NRBP2: variants seen among roughly 807,000 people sequenced by gnomAD.
NRBP2 encodes nuclear receptor-binding protein 2.
A neutral mutation model predicts 74.4 loss-of-function variants in NRBP2; 47 were observed. The ratio of observed to expected loss-of-function variants is 0.63; its 90% CI spans 0.50 to 0.81. The LOEUF is 0.81. NRBP2 is among the 30% of genes least tolerant of loss of function. The probability of loss-of-function intolerance (pLI) is 0.00; values close to 1 mark genes in which losing one functional copy is unlikely to be tolerated. For synonymous variants in NRBP2, 312 were observed against 273.8 expected (o/e 1.14, Z -1.38); for missense variants, 613 against 690.1 (o/e 0.89, Z 1.25).
In NRBP2 at chr8:143,838,907, G is replaced by A. The variant is rs1554652664; in HGVS notation, c.720C>T (p.Phe240=). The stretch of plus-strand genomic sequence containing the variant: ...CCTCCAGCGCACACATCCCAAAGGA[G>A]AAGATGTCCACAGCGGTCCCATCGG... ...EVADGTAVDI[F]SFGMCALEMA... is the part of the protein sequence containing the mutation. The change falls in exon 9 of 18, where the codon TTC becomes TTT. Residue 240 remains phenylalanine (F), a synonymous_variant. Coordinates refer to ENST00000442628, the MANE Select transcript of NRBP2 (RefSeq NM_178564.4). 6 of 1,612,614 alleles carry A rather than the reference G, an allele frequency of 3.7e-6. No homozygotes were observed. Among genetic ancestry groups the A allele is most frequent in the Non-Finnish European group, 4.2e-6 (5 of 1,179,422 alleles).
Position 143,839,336 on chromosome 8 carries a change from G to A in NRBP2, c.558C>T (p.Asn186=), listed in dbSNP as rs781869698. 6.9e-6 allele frequency: 11 copies of A among 1,585,102 alleles called. No homozygotes were observed. The highest frequency in any genetic ancestry group is 2.7e-5 in the African/African-American group (2 of 74,316). The change falls in exon 6 of 18, where the codon AAC becomes AAT. Residue 186 remains asparagine (N), a synonymous_variant. Transcript: ENST00000442628. This position sits in a 1 kb window ranked among gnomAD's most constrained non-coding sequence, Gnocchi z 5.1. The part of the protein sequence containing the change: ...LTSDTIFIQH[N]GLIKIGSVWH... ...CACCGGAGCCGATCTTGATGAGGCC[G>A]TTGTGCTGAATGAAGATGGTGTCGC... is the stretch of plus-strand genomic sequence containing the variant.
chr8:143,830,076 G>C (rs1198947816), downstream of NRBP2, among the ~76,000 whole-genome samples: 2 of 152,212 alleles, frequency 1.3e-5, no homozygotes, highest in African/African-American at 2.4e-5. Flanking sequence ...AGGCCACAAG[G>C]CATCCCGGGC....
rs376596880 is a variant in NRBP2, at chr8:143,835,980, G to T, written c.1368C>A (p.Tyr456Ter). 1 of 1,586,504 alleles carries T rather than the reference G, an allele frequency of 6.3e-7. No homozygotes were observed. Among genetic ancestry groups the T allele is most frequent in the Admixed American group, 1.7e-5 (1 of 57,674 alleles). Residue 456 changes from tyrosine to a stop codon, truncating the protein, a stop_gained, in exon 16 of 18, where the codon TAC becomes TAA. Transcript: ENST00000442628. LOFTEE classifies it high-confidence loss of function. The surrounding 1 kb of genome is among the most constrained non-coding windows in gnomAD (Gnocchi z 4.9). ...TGCCCAGCCTACTTGGGAGCAGGTC[G>T]TAGGTCAGCTGCCGGTGCAGCCGGT... ...LEDRLHRQLT[Y>*]DLLPTDSAQD...
Position 143,835,610 on chromosome 8 carries a change from T to A in NRBP2, c.*52A>T. ...CCACGGTGCTGGAGTCTCCCCAACA[T>A]GGCCTGCCCAGGCAGCACCCCGGCA... On this transcript the variant is annotated 3_prime_UTR_variant, in exon 18 of 18. Transcript: ENST00000442628. The surrounding 1 kb of genome is among the most constrained non-coding windows in gnomAD (Gnocchi z 4.9). 6.8e-7 allele frequency: 1 copy of A among 1,464,356 alleles called. No individual in the cohort carries two copies. The highest frequency in any genetic ancestry group is 9.2e-7 in the Non-Finnish European group (1 of 1,085,872). The allele number at this position is 1,464,356 out of a possible 1,614,324, so 90.7% of individuals were successfully genotyped here. A position where few individuals can be genotyped will look rare whatever the true frequency, so the allele number is the denominator to read the frequency against.
At position 143,837,435 on chromosome 8, in the gene NRBP2, G is replaced by C; in HGVS notation, c.1048C>G (p.Arg350Gly). 1 of 1,606,686 alleles carries C rather than the reference G, an allele frequency of 6.2e-7. No individual in the cohort carries two copies. Among genetic ancestry groups the C allele is most frequent in the Non-Finnish European group, 8.5e-7 (1 of 1,177,742 alleles). The change falls in exon 12 of 18, where the codon CGG (arginine) becomes GGG (glycine). Residue 350 changes from arginine (R) to glycine (G), a missense_variant. Coordinates refer to ENST00000442628, the MANE Select transcript of NRBP2 (RefSeq NM_178564.4). The surrounding 1 kb of genome is among the most constrained non-coding windows in gnomAD (Gnocchi z 4.3). ...CACTGCAGCGGGGGCCTGCGGGGCC[G>C]GGGAAGCTCCGCCAAGACCGCGTGC... ...DLHAVLAELPRPRRPPLQWRY... is the reference protein window; with the variant it reads ...DLHAVLAELPGPRRPPLQWRY...
chr8:143,835,989 C>T lies in NRBP2; in HGVS notation c.1359G>A (p.Gln453=). ...TACTTGGGAGCAGGTCGTAGGTCAGCTGCCGGTGCAGCCGGTCTTCCAGCA... is the reference window on the plus strand; with the variant it reads ...TACTTGGGAGCAGGTCGTAGGTCAGTTGCCGGTGCAGCCGGTCTTCCAGCA... ...LLVLEDRLHR[Q]LTYDLLPTDS... The change falls in exon 16 of 18, where the codon CAG becomes CAA. Residue 453 remains glutamine (Q), a synonymous_variant. Coordinates refer to ENST00000442628, the MANE Select transcript of NRBP2 (RefSeq NM_178564.4). The surrounding 1 kb of genome is among the most constrained non-coding windows in gnomAD (Gnocchi z 4.9). The T allele has an allele frequency of 1.3e-6, 2 of 1,581,922 alleles. No individual in the cohort carries two copies. Among genetic ancestry groups the T allele is most frequent in the Non-Finnish European group, 1.7e-6 (2 of 1,164,502 alleles).
Position 143,835,465 on chromosome 8 carries a change from C to T in NRBP2, c.*197G>A. ...AAGGACCTGGGAGGCCTAACGGCTCCCCCACACCCACCCCCCAACCCCTCG... is the reference window on the plus strand; with the variant it reads ...AAGGACCTGGGAGGCCTAACGGCTCTCCCACACCCACCCCCCAACCCCTCG... On this transcript the variant is annotated 3_prime_UTR_variant, in exon 18 of 18. Coordinates refer to ENST00000442628, the MANE Select transcript of NRBP2 (RefSeq NM_178564.4). The surrounding 1 kb of genome is among the most constrained non-coding windows in gnomAD (Gnocchi z 4.9). 1 of 658,520 alleles carries T rather than the reference C, an allele frequency of 1.5e-6. No homozygotes were observed. The highest frequency in any genetic ancestry group is 2.7e-6 in the Non-Finnish European group (1 of 370,168). The allele number at this position is 658,520 out of a possible 1,614,324, so 40.8% of individuals were successfully genotyped here. A position where few individuals can be genotyped will look rare whatever the true frequency, so the allele number is the denominator to read the frequency against.
downstream of NRBP2, among the ~76,000 whole-genome samples, chr8:143,831,042 G>A (rs1333119295): frequency 6.6e-6 from 1 of 152,214 alleles, no homozygotes; most frequent in Non-Finnish European, 1.5e-5. Flanking sequence ...AATGGAGGGG[G>A]TGGATGGGAG....
Position 143,837,039 on chromosome 8 carries a change from C to A in NRBP2, c.1263G>T (p.Lys421Asn). ...TPEPFDSETR[K>N]VIQMQCNLER... Reference sequence around the variant, plus strand: ...CTGAGCAGCAGGAGAGGGGACTCACCTTTCTGGTCTCAGAGTCAAAGGGCT... The same window carrying A: ...CTGAGCAGCAGGAGAGGGGACTCACATTTCTGGTCTCAGAGTCAAAGGGCT... The change falls in exon 14 of 18, where the codon AAG (lysine) becomes AAT (asparagine). Residue 421 changes from lysine (K) to asparagine (N), a missense_variant and splice_region_variant. By Grantham distance (94) the Lys-to-Asn change is moderately conservative. This residue lies in a region of NRBP2 where 281 missense variants were observed against 260.9 expected (regional missense o/e 1.08). Transcript: ENST00000442628. The surrounding 1 kb of genome is among the most constrained non-coding windows in gnomAD (Gnocchi z 4.3). 8.7e-6 allele frequency: 14 copies of A among 1,608,898 alleles called. No individual in the cohort carries two copies. The highest frequency in any genetic ancestry group is 1.1e-5 in the Non-Finnish European group (13 of 1,178,522).
Position 143,839,085 on chromosome 8 carries a change from A to G in NRBP2, c.620T>C (p.Leu207Pro). ...RIFSNALPDD[L>P]RSPIRAEREE... ...TCGCTCAGCGCGGATGGGGCTTCGG[A>G]GATCATCTGGAAGTGCTGTGGGAGG... The change falls in exon 8 of 18, where the codon CTC becomes CCC. Residue 207 changes from leucine (L) to proline (P), a missense_variant. Physicochemically the swap from Leu to Pro is moderately conservative, Grantham distance 98. Around this residue, in one of 2 missense-constraint regions of NRBP2, gnomAD observed 332 missense variants for 429.2 expected, o/e 0.77. Transcript: ENST00000442628. The surrounding 1 kb of genome is among the most constrained non-coding windows in gnomAD (Gnocchi z 5.1). 6.5e-7 allele frequency: 1 copy of G among 1,526,896 alleles called. No homozygotes were observed. The highest frequency in any genetic ancestry group is 8.8e-7 in the Non-Finnish European group (1 of 1,140,336). 94.6% of individuals were successfully genotyped at this position (1,526,896 alleles called of 1,614,324 possible).
downstream of NRBP2, chr8:143,833,305 G>A (rs1818227696): frequency 1.3e-5 from 2 of 152,148 alleles, no homozygotes; most frequent in African/African-American, 4.8e-5. Context: ...ATTAACTCCA[G>A]GGAAAACAAA....
At chr8:143,831,087 G>A (rs1218635880), downstream of NRBP2, among the ~76,000 whole-genome samples, 2 of 152,234 alleles carry the variant, frequency 1.3e-5, no homozygotes, top group Non-Finnish European at 2.9e-5. Context: ...ACCAGGGGAA[G>A]CCACAGGCAC....
chr8:143,837,614 G>A lies in NRBP2; in HGVS notation c.973+9C>T. On this transcript the variant is annotated intron_variant, in intron 11 of 17. Coordinates refer to ENST00000442628, the MANE Select transcript of NRBP2 (RefSeq NM_178564.4). The surrounding 1 kb of genome is among the most constrained non-coding windows in gnomAD (Gnocchi z 4.3). The stretch of plus-strand genomic sequence containing the variant: ...CCCCAGCCACCCCCCGGGCCGGCCT[G>A]CTGCTCACACTGGTGCTGGATGAAG... 2 of 1,600,456 alleles carry A rather than the reference G, an allele frequency of 1.2e-6. No individual in the cohort carries two copies. The highest frequency in any genetic ancestry group is 2.2e-5 in the East Asian group (1 of 44,480).
intron 15 of NRBP2, 22 bp downstream of exon 15, chr8:143,836,105 C>T (rs782253376): frequency 3.8e-5 from 60 of 1,598,972 alleles, no homozygotes; most frequent in East Asian, 4.5e-5. Context: ...ACGGCAGCGC[C>T]GCCCTCCCAG....
chr8:143,837,241 G>A lies in NRBP2; in HGVS notation c.1127+8C>T. On this transcript the variant is annotated splice_region_variant and intron_variant, in intron 13 of 17. Transcript: ENST00000442628. This position sits in a 1 kb window ranked among gnomAD's most constrained non-coding sequence, Gnocchi z 4.3. Reference sequence around the variant, plus strand: ...CTGCCTGGCCCCCAACCTTACATCAGTTCTCACCTGACATCCTCCAGGAAT... The same window carrying A: ...CTGCCTGGCCCCCAACCTTACATCAATTCTCACCTGACATCCTCCAGGAAT... The A allele has an allele frequency of 6.2e-7, 1 of 1,613,802 alleles. No individual in the cohort carries two copies. The highest frequency in any genetic ancestry group is 8.5e-7 in the Non-Finnish European group (1 of 1,179,968).
chr8:143,840,803 G>A lies in NRBP2; in HGVS notation c.32C>T (p.Ala11Val). 2.0e-6 allele frequency: 3 copies of A among 1,498,426 alleles called. No homozygotes were observed. The highest frequency in any genetic ancestry group is 2.8e-5 in the East Asian group (1 of 36,098). 92.8% of individuals were successfully genotyped at this position (1,498,426 alleles called of 1,614,324 possible). A position where few individuals can be genotyped will look rare whatever the true frequency, so the allele number is the denominator to read the frequency against. ...CTCCCGCTCCCGCTCCCGTTCCCGG[G>A]CCCGCCTCGGCGCCGGCTCCGGGGC... MAAPEPAPRRAREREREREDE... is the reference protein window; with the variant it reads MAAPEPAPRRVREREREREDE... The change falls in exon 1 of 18, where the codon GCC (alanine) becomes GTC (valine). Residue 11 changes from alanine (A) to valine (V), a missense_variant. Ala to Val is a moderately conservative substitution (Grantham distance 64, BLOSUM62 0). Coordinates refer to ENST00000442628, the MANE Select transcript of NRBP2 (RefSeq NM_178564.4). This position sits in a 1 kb window ranked among gnomAD's most constrained non-coding sequence, Gnocchi z 5.7.
At chr8:143,832,374 G>A (rs1818195120), downstream of NRBP2, among the ~76,000 whole-genome samples, 1 of 152,018 alleles carries the variant, frequency 6.6e-6, no homozygotes, top group African/African-American at 2.4e-5. Flanking sequence ...CGTGGGATGG[G>A]AAAGACCTGA....
At chr8:143,836,583 G>A (rs1818400692) in intron 14 of NRBP2, among the ~76,000 whole-genome samples, 2 of 151,560 alleles carry the variant, frequency 1.3e-5, no homozygotes, top group Non-Finnish European at 2.9e-5. Flanking sequence ...CATGAATTCT[G>A]GCTGCACTGC....
chr8:143,839,498 C>G lies in NRBP2; in HGVS notation c.485+11G>C, dbSNP rs1586662640. 3.9e-6 allele frequency: 6 copies of G among 1,533,114 alleles called. No homozygotes were observed. In the East Asian group the frequency reaches 7.3e-5, roughly 19 times the overall value. 95.0% of individuals were successfully genotyped at this position (1,533,114 alleles called of 1,614,324 possible). A position where few individuals can be genotyped will look rare whatever the true frequency, so the allele number is the denominator to read the frequency against. On this transcript the variant is annotated intron_variant, in intron 5 of 17. Coordinates refer to ENST00000442628, the MANE Select transcript of NRBP2 (RefSeq NM_178564.4). The surrounding 1 kb of genome is among the most constrained non-coding windows in gnomAD (Gnocchi z 5.1). Reference sequence around the variant, plus strand: ...CGGTGGCGCCGCGCCCAGGCCAGCCCAGGCCCTCACCTGAGCGCAGACAGG... The same window carrying G: ...CGGTGGCGCCGCGCCCAGGCCAGCCGAGGCCCTCACCTGAGCGCAGACAGG...
Sources: allele counts gnomAD v4.1 joint callset (sites outside exome capture counted in the v4.1 genomes callset), GRCh38; gene constraint gnomAD v4.1.1; regional missense constraint gnomAD v4.1.1; non-coding constraint Gnocchi (gnomAD v3.1); transcripts MANE v1.5; gene names NCBI Gene and HGNC (gene_info 2026-07-23, HGNC 2026-07-21).